Variants in PCDHGA1 observed in about 807,000 individuals in gnomAD.
PCDHGA1 encodes the protein protocadherin gamma subfamily A, 1.
In PCDHGA1, 32 loss-of-function variants were observed where a neutral mutation model predicts 58.0. The observed-to-expected ratio is 0.55, with a 90% confidence interval of 0.42 to 0.74. The LOEUF (loss-of-function observed/expected upper bound fraction) is 0.74. PCDHGA1 is among the 30% of genes least tolerant of loss of function. PCDHGA1 has a pLI of 0.00. For missense variants in PCDHGA1, 1,205 were observed against 1,182.3 expected, an observed-to-expected ratio of 1.02 and a Z score of -0.28; for synonymous variants, 498 against 501.1, an observed-to-expected ratio of 0.99 and a Z score of 0.08.
intron 1 of PCDHGA1, chr5:141,399,174 T>A: frequency 6.2e-7 from 1 of 1,613,818 alleles, no homozygotes; most frequent in Non-Finnish European, 8.5e-7. Flanking sequence ...ATTCTCTACT[T>A]GAAATGATTC....
intron 1 of PCDHGA1, chr5:141,367,569 TAA>T (rs1765234769): frequency 6.6e-6 from 1 of 151,200 alleles, no homozygotes; most frequent in Middle Eastern, 3.4e-3. Context: ...AATAAATAAA[TAA>T]ATATCAGAAA....
At chr5:141,504,381 T>C (rs1039838477) in intron 2 of PCDHGA1, among the ~76,000 whole-genome samples, 4 of 152,130 alleles carry the variant, frequency 2.6e-5, no homozygotes, top group Non-Finnish European at 5.9e-5. Context: ...GTGGAGTCGC[T>C]GCCTCACAGA....
intron 1 of PCDHGA1, chr5:141,383,858 A>T: frequency 6.2e-7 from 1 of 1,613,996 alleles, no homozygotes. Flanking sequence ...ATGGAGGTTC[A>T]GGCTCAAGAT....
intron 1 of PCDHGA1, among the ~76,000 whole-genome samples, chr5:141,405,709 C>T (rs2094708572): frequency 2.0e-5 from 3 of 152,150 alleles, no homozygotes; most frequent in African/African-American, 7.2e-5. Context: ...AATTCCTAAC[C>T]TCAAGTGATC....
chr5:141,344,719 A>G (rs1202466378), intron 1 of PCDHGA1: 3 of 1,613,978 alleles, frequency 1.9e-6, no homozygotes, highest in Non-Finnish European at 8.5e-7. Context: ...TTGCACATCC[A>G]AGTGATAGTC....
chr5:141,451,874 C>T (rs1264178631), intron 1 of PCDHGA1, among the ~76,000 whole-genome samples: 1 of 151,956 alleles, frequency 6.6e-6, no homozygotes, highest in Non-Finnish European at 1.5e-5. Context: ...GAATGAAACC[C>T]TGTCAAGAAA....
rs115453161 is a variant in PCDHGA1, at chr5:141,365,386, G to A, written c.2421+32281G>A. ...CCCCCGAAGTGATCCTCACCTCTCT[G>A]ACCAGTTCGATCTCTGAAGACTGTC... On this transcript the variant is annotated intron_variant, in intron 1 of 3. Coordinates refer to ENST00000517417, the MANE Select transcript of PCDHGA1 (RefSeq NM_018912.3). 1,074 of 1,613,934 alleles carry A rather than the reference G, an allele frequency of 6.7e-4. 8 individuals carry two copies. In the African/African-American group the frequency reaches 0.012, roughly 19 times the overall value.
intron 1 of PCDHGA1, chr5:141,356,848 C>G: frequency 6.2e-7 from 1 of 1,614,198 alleles, no homozygotes; most frequent in Non-Finnish European, 8.5e-7. Context: ...GTCACTGAGC[C>G]TCTTTGTGCT....
intron 1 of PCDHGA1, chr5:141,419,208 C>G: frequency 5.6e-6 from 9 of 1,613,966 alleles, no homozygotes; most frequent in Non-Finnish European, 6.8e-6. Flanking sequence ...GACAACGCGC[C>G]GGTTTTCGGA....
rs2099629299 is a variant in PCDHGA1, at chr5:141,486,426, A to G, written c.2422-8381A>G. ...GCTGGACCCTTGGATCGAGAGGCCA[A>G]ATCTAGCTATGACATCATGGTCACT... On this transcript the variant is annotated intron_variant, in intron 1 of 3. Transcript: ENST00000517417. The surrounding 1 kb of genome is among the most constrained non-coding windows in gnomAD (Gnocchi z 5.0). 1.9e-6 allele frequency: 3 copies of G among 1,614,190 alleles called. No individual in the cohort carries two copies. Among genetic ancestry groups the G allele is most frequent in the Non-Finnish European group, 2.5e-6 (3 of 1,180,026 alleles).
chr5:141,370,314 T>A, intron 1 of PCDHGA1: 4 of 1,280,798 alleles, frequency 3.1e-6, no homozygotes, highest in Non-Finnish European at 4.3e-6. Context: ...AGCAAATAGT[T>A]GGTCCTGCTC....
At chr5:141,337,278 C>G (rs984760735) in intron 1 of PCDHGA1, among the ~76,000 whole-genome samples, 2 of 152,022 alleles carry the variant, frequency 1.3e-5, no homozygotes, top group Non-Finnish European at 2.9e-5. Flanking sequence ...TGGTTATTAC[C>G]CAAAAGAAGT....
chr5:141,489,288 G>A lies in PCDHGA1; in HGVS notation c.2422-5519G>A. 6.3e-7 allele frequency: 1 copy of A among 1,575,870 alleles called. No homozygotes were observed. Among genetic ancestry groups the A allele is most frequent in the Non-Finnish European group, 8.6e-7 (1 of 1,161,152 alleles). On this transcript the variant is annotated intron_variant, in intron 1 of 3. Coordinates refer to ENST00000517417, the MANE Select transcript of PCDHGA1 (RefSeq NM_018912.3). The surrounding 1 kb of genome is among the most constrained non-coding windows in gnomAD (Gnocchi z 4.5). ...AGCTCGCTGGGAAATGGCAAGTGCT[G>A]TGCATGTTGTCCTTGTGCTGCTGGG...
At chr5:141,360,307 G>C in intron 1 of PCDHGA1, 2 of 1,613,880 alleles carry the variant, frequency 1.2e-6, no homozygotes, top group Non-Finnish European at 1.7e-6. Context: ...GGGGCTCAGC[G>C]TCCGGGACTT....
chr5:141,364,824 A>G, intron 1 of PCDHGA1: 2 of 1,613,612 alleles, frequency 1.2e-6, no homozygotes, highest in Non-Finnish European at 1.7e-6. Context: ...GTGGGTGTGA[A>G]CTCTCTCCGG....
intron 1 of PCDHGA1, chr5:141,418,372 A>G (rs771262387): frequency 3.1e-6 from 5 of 1,613,968 alleles, no homozygotes; most frequent in Non-Finnish European, 3.4e-6. Context: ...GCAAATACCA[A>G]CTAAGTCCTA....
chr5:141,351,986 C>A lies in PCDHGA1; in HGVS notation c.2421+18881C>A, dbSNP rs776609502. ...CTCCGCCCTCTTCGATATGGTGCCACGCGCCGCAGAGCCCGGCTACCTGGT... is the reference window on the plus strand; with the variant it reads ...CTCCGCCCTCTTCGATATGGTGCCAAGCGCCGCAGAGCCCGGCTACCTGGT... On this transcript the variant is annotated intron_variant, in intron 1 of 3. Transcript: ENST00000517417. 3.7e-6 allele frequency: 6 copies of A among 1,611,658 alleles called. No individual in the cohort carries two copies. The highest frequency in any genetic ancestry group is 5.1e-6 in the Non-Finnish European group (6 of 1,179,586).
intron 1 of PCDHGA1, chr5:141,400,460 G>GTGAT (rs760132234): frequency 6.2e-7 from 1 of 1,613,938 alleles, no homozygotes. Context: ...ATACTTTGTG[G>GTGAT]TGATTCATCT....
Position 141,485,261 on chromosome 5 carries a change from C to G in PCDHGA1, c.2422-9546C>G, listed in dbSNP as rs759268725. 1 of 1,614,076 alleles carries G rather than the reference C, an allele frequency of 6.2e-7. No homozygotes were observed. The highest frequency in any genetic ancestry group is 8.5e-7 in the Non-Finnish European group (1 of 1,179,904). On this transcript the variant is annotated intron_variant, in intron 1 of 3. Transcript: ENST00000517417. This position sits in a 1 kb window ranked among gnomAD's most constrained non-coding sequence, Gnocchi z 5.7. The stretch of plus-strand genomic sequence containing the variant: ...TTACCACCTGGGTTACGTTTGTGGG[C>G]AGATCCGCTACCCGGTCCCAGAGGA...
Sources: gnomAD v4.1 joint callset for allele counts (sites outside exome capture counted in the v4.1 genomes callset) on GRCh38, gnomAD v4.1.1 for gene constraint, Gnocchi (gnomAD v3.1) non-coding constraint, MANE v1.5 for transcripts, NCBI Gene and HGNC (gene_info 2026-07-23, HGNC 2026-07-21) for gene names.